The following FGF12 variants were observed in gnomAD, a reference collection of about 807,000 sequenced individuals.
FGF12 encodes fibroblast growth factor 12B.
In FGF12, 14 loss-of-function variants were observed where a neutral mutation model predicts 23.6. The ratio of observed to expected loss-of-function variants is 0.59; its 90% confidence interval spans 0.39 to 0.93. FGF12 has a LOEUF of 0.93. FGF12 is among the 40% of genes least tolerant of loss of function. The probability of loss-of-function intolerance (pLI) is 0.00; values close to 1 mark genes in which losing one functional copy is unlikely to be tolerated. For missense variants in FGF12, 175 were observed against 217.8 expected, an observed-to-expected ratio of 0.80 and a Z score of 1.24; for synonymous variants, 62 against 77.3, an observed-to-expected ratio of 0.80 and a Z score of 1.04.
Position 192,305,666 on chromosome 3 carries a change from GAA to G in FGF12, c.228+29693_228+29694del, listed in dbSNP as rs10663137. On this transcript the variant is annotated intron_variant, in intron 4 of 5. Coordinates refer to ENST00000445105, the MANE Select transcript of FGF12 (RefSeq NM_004113.6). ...AATAAGGGAGAGAAAGGTGGCTTAGGAAAAAAAAAAAAAATATATATATATAT... is the reference window on the plus strand; with the variant it reads ...AATAAGGGAGAGAAAGGTGGCTTAGGAAAAAAAAAAAATATATATATATAT... 7.6e-3 allele frequency among the ~76,000 whole-genome samples: 956 copies of G among 125,154 alleles called. 6 individuals are homozygous for G. Among genetic ancestry groups the G allele is most frequent in the Middle Eastern group, 0.014 (3 of 220 alleles). 82.1% of individuals were successfully genotyped at this position (125,154 alleles called of 152,430 possible).
intron 2 of FGF12, among the ~76,000 whole-genome samples, chr3:192,642,154 C>A (rs948073420): frequency 3.3e-5 from 5 of 152,212 alleles, no homozygotes; most frequent in Non-Finnish European, 7.3e-5. Context: ...ATAGTCGACA[C>A]CTCCTTTTCA....
At position 192,300,223 on chromosome 3, in the gene FGF12, C is replaced by T. The variant is rs143312975; in HGVS notation, c.228+35138G>A. Among the ~76,000 whole-genome samples the T allele has an allele frequency of 3.3e-4, 51 of 152,322 alleles. No homozygotes were observed. In the East Asian group the frequency reaches 3.9e-3, roughly 12 times the overall value. ...TACTCTGTCACATGGCAGCCCTCCTCCCAGAGCTAGCCACCAGTGGTACTT... is the reference window on the plus strand; with the variant it reads ...TACTCTGTCACATGGCAGCCCTCCTTCCAGAGCTAGCCACCAGTGGTACTT... On this transcript the variant is annotated intron_variant, in intron 4 of 5. Transcript: ENST00000445105.
intron 2 of FGF12, among the ~76,000 whole-genome samples, chr3:192,591,501 T>G (rs1713622078): frequency 6.6e-6 from 1 of 151,694 alleles, no homozygotes; most frequent in South Asian, 2.1e-4. Context: ...AGACAGGAAA[T>G]AAGCTGGTTG....
intron 2 of FGF12, among the ~76,000 whole-genome samples, chr3:192,685,681 C>T (rs1717707129): frequency 6.6e-6 from 1 of 151,900 alleles, no homozygotes; most frequent in African/African-American, 2.4e-5. Flanking sequence ...CCCAGGAAAA[C>T]CGGAAGGATG....
intron 2 of FGF12, among the ~76,000 whole-genome samples, chr3:192,642,865 A>C (rs1037837363): frequency 6.6e-6 from 1 of 152,246 alleles, no homozygotes; most frequent in Non-Finnish European, 1.5e-5. Context: ...TCTGGCAGGA[A>C]CCTGATGAGG....
intron 4 of FGF12, among the ~76,000 whole-genome samples, chr3:192,181,560 T>G (rs1315759152): frequency 6.6e-6 from 1 of 151,756 alleles, no homozygotes; most frequent in Non-Finnish European, 1.5e-5. Context: ...ATGTAACTCA[T>G]GGTCAGTTAC....
intron 5 of FGF12, among the ~76,000 whole-genome samples, chr3:192,165,517 A>ATTTT (rs72495238): frequency 1.4e-5 from 2 of 145,746 alleles, no homozygotes; most frequent in African/African-American, 2.5e-5. Context: ...ATCTGGTCCA[A>ATTTT]TTTTTTTTTT....
intron 2 of FGF12, among the ~76,000 whole-genome samples, chr3:192,500,456 C>T (rs1724103344): frequency 6.6e-6 from 1 of 152,124 alleles, no homozygotes; most frequent in Non-Finnish European, 1.5e-5. Flanking sequence ...CCGCCACACA[C>T]ACACAGAATA....
At chr3:192,624,666 G>GA (rs1436487178) in intron 2 of FGF12, among the ~76,000 whole-genome samples, 1 of 152,034 alleles carries the variant, frequency 6.6e-6, no homozygotes, top group African/African-American at 2.4e-5. Flanking sequence ...ACTATATTAG[G>GA]AAAAAATTAG....
intron 2 of FGF12, among the ~76,000 whole-genome samples, chr3:192,370,561 GT>G (rs35665075): frequency 0.22 from 26,454 of 119,186 alleles, 3,424 homozygotes; most frequent in East Asian, 0.56. Flanking sequence ...AGTTGTAATA[GT>G]TTTTTTTCAT....
chr3:192,317,633 T>C (rs1344707586), intron 4 of FGF12, among the ~76,000 whole-genome samples: 1 of 152,174 alleles, frequency 6.6e-6, no homozygotes, highest in African/African-American at 2.4e-5. Flanking sequence ...ATGGTATATC[T>C]GAACCTACAT....
At chr3:192,537,360 T>C (rs1465801457) in intron 2 of FGF12, among the ~76,000 whole-genome samples, 1 of 152,156 alleles carries the variant, frequency 6.6e-6, no homozygotes, top group Non-Finnish European at 1.5e-5. Context: ...TATTTTTAGT[T>C]TTTTGAAGAA....
chr3:192,538,981 T>A (rs1560143856), intron 2 of FGF12, among the ~76,000 whole-genome samples: 1 of 152,206 alleles, frequency 6.6e-6, no homozygotes, highest in African/African-American at 2.4e-5. Context: ...GATTTATGTA[T>A]GTTAATTTTG....
At chr3:192,194,379 G>T (rs1439019918) in intron 4 of FGF12, among the ~76,000 whole-genome samples, 1 of 152,140 alleles carries the variant, frequency 6.6e-6, no homozygotes. Flanking sequence ...ATCAGGCTGA[G>T]TGAGAGCTAT....
At chr3:192,165,938 G>A (rs575536353) in intron 5 of FGF12, among the ~76,000 whole-genome samples, 1 of 152,158 alleles carries the variant, frequency 6.6e-6, no homozygotes, top group Admixed American at 6.5e-5. Context: ...TATAAAATGA[G>A]GATAAAAATA....
intron 4 of FGF12, among the ~76,000 whole-genome samples, chr3:192,309,430 TGA>T (rs1343072992): frequency 1.3e-5 from 2 of 151,934 alleles, no homozygotes; most frequent in African/African-American, 4.8e-5. Context: ...GTGATGGGGG[TGA>T]GAGAGTTTGC....
At chr3:192,337,425 T>C (rs1015025429) in intron 3 of FGF12, among the ~76,000 whole-genome samples, 20 of 152,178 alleles carry the variant, frequency 1.3e-4, no homozygotes, top group Admixed American at 1.3e-4. Context: ...ATTGGTGGAT[T>C]TGATTTATAT....
At chr3:192,233,022 G>T (rs1364565697) in intron 4 of FGF12, among the ~76,000 whole-genome samples, 2 of 152,084 alleles carry the variant, frequency 1.3e-5, no homozygotes, top group Admixed American at 1.3e-4. Flanking sequence ...ATATTACTAT[G>T]TGTATCTTTT....
chr3:192,700,179 T>C (rs1307376812), intron 2 of FGF12, among the ~76,000 whole-genome samples: 1 of 152,222 alleles, frequency 6.6e-6, no homozygotes, highest in Admixed American at 6.5e-5. Context: ...TCATTTTATA[T>C]ACATACTCTG....
Sources: allele counts gnomAD v4.1 joint callset (sites outside exome capture counted in the v4.1 genomes callset), GRCh38; gene constraint gnomAD v4.1.1; transcripts MANE v1.5; gene names NCBI Gene and HGNC (gene_info 2026-07-23, HGNC 2026-07-21).